Variants in COBL observed in about 807,000 individuals in gnomAD.
The protein encoded by COBL is protein cordon-bleu.
Under a neutral mutation model 98.8 loss-of-function variants are expected in COBL, and 51 were observed. The ratio of observed to expected loss-of-function variants is 0.52; its 90% CI spans 0.41 to 0.65. The LOEUF (loss-of-function observed/expected upper bound fraction) is 0.65. Ranked by LOEUF, COBL falls within the 30% of genes least tolerant of loss-of-function variation. COBL has a pLI of 0.00. For missense variants in COBL, 1,617 were observed against 1,617.5 expected, an observed-to-expected ratio of 1.00 and a Z score of 0.01; for synonymous variants, 634 against 651.7, an observed-to-expected ratio of 0.97 and a Z score of 0.41.
intron 1 of COBL, among the ~76,000 whole-genome samples, chr7:51,306,537 G>T (rs1802491649): frequency 6.6e-6 from 1 of 152,108 alleles, no homozygotes; most frequent in African/African-American, 2.4e-5. Flanking sequence ...GTACAAAAGG[G>T]AAGGCTTTTC....
rs1187971303 is a variant in COBL, at chr7:51,054,560, T to C, written c.1097-10868A>G. 3.3e-5 allele frequency among the ~76,000 whole-genome samples: 5 copies of C among 152,294 alleles called. 1 individual carries two copies. Among genetic ancestry groups the C allele is most frequent in the Admixed American group, 2.6e-4 (4 of 15,306 alleles). On this transcript the variant is annotated intron_variant, in intron 7 of 12. Transcript: ENST00000265136. ...GTGACTTTCTGATGTTTTTTCTCCA[T>C]GGCATCTCCCTGCACTGGGGACTGC...
chr7:51,189,357 G>A (rs1185140538), intron 4 of COBL, among the ~76,000 whole-genome samples: 1 of 152,198 alleles, frequency 6.6e-6, no homozygotes, highest in Non-Finnish European at 1.5e-5. Flanking sequence ...AATATGGCCA[G>A]GCGCAGTGGC....
Position 51,219,958 on chromosome 7 carries a change from A to C in COBL, c.42-14T>G, listed in dbSNP as rs749262703. The stretch of plus-strand genomic sequence containing the variant: ...TTCATCTTCCTCCTTAAAAACAACA[A>C]CACAAAGGCACAGAGTCAGTGGCAA... On this transcript the variant is annotated splice_polypyrimidine_tract_variant and intron_variant, in intron 1 of 12. Transcript: ENST00000265136. The C allele has an allele frequency of 3.7e-6, 6 of 1,605,328 alleles. No individual in the cohort carries two copies. The highest frequency in any genetic ancestry group is 2.2e-5 in the East Asian group (1 of 44,788).
In COBL at chr7:51,098,224, C is replaced by CTTTTTTTTTTTTTTTTTTTTTTTT. The variant is rs551768231; in HGVS notation, c.958-12921_958-12920insAAAAAAAAAAAAAAAAAAAAAAAA. Among the ~76,000 whole-genome samples, 438 of 100,750 alleles carry CTTTTTTTTTTTTTTTTTTTTTTTT rather than the reference C, an allele frequency of 4.3e-3. 88 individuals are homozygous for CTTTTTTTTTTTTTTTTTTTTTTTT. Among genetic ancestry groups the CTTTTTTTTTTTTTTTTTTTTTTTT allele is most frequent in the African/African-American group, 0.017 (368 of 22,288 alleles). The allele number at this position is 100,750 out of a possible 152,430, so 66.1% of individuals were successfully genotyped here. On this transcript the variant is annotated intron_variant, in intron 6 of 12. Coordinates refer to ENST00000265136, the MANE Select transcript of COBL (RefSeq NM_015198.5). The stretch of plus-strand genomic sequence containing the variant: ...ACTACCAAAATCCCAATAGCAGTTT[C>CTTTTTTTTTTTTTTTTTTTTTTTT]TTTTTTTTTTTTGGAGAAATAGGAA...
chr7:51,190,791 G>T, intron 4 of COBL, 59 bp downstream of exon 4: 1 of 1,390,734 alleles, frequency 7.2e-7, no homozygotes, highest in Non-Finnish European at 1.0e-6. Context: ...CAGGGGACAT[G>T]TACACGCCGC....
intron 7 of COBL, chr7:51,064,734 T>C (rs892721502): frequency 1.5e-4 from 25 of 161,522 alleles, no homozygotes; most frequent in African/African-American, 6.0e-4. Flanking sequence ...CATTTGAAAA[T>C]GGAAGGAATG....
intron 12 of COBL, among the ~76,000 whole-genome samples, chr7:51,018,988 T>C (rs1786648112): frequency 7.0e-6 from 1 of 142,462 alleles, no homozygotes; most frequent in Non-Finnish European, 1.5e-5. Context: ...GCTCACCAGC[T>C]ATCGTTAGTG....
intron 6 of COBL, among the ~76,000 whole-genome samples, chr7:51,130,564 A>T (rs1201210989): frequency 6.6e-6 from 1 of 152,130 alleles, no homozygotes; most frequent in Non-Finnish European, 1.5e-5. Context: ...TCAGGCCTAA[A>T]TGCAGAGAGG....
At chr7:51,243,239 T>C (rs982589921) in intron 1 of COBL, among the ~76,000 whole-genome samples, 4 of 152,182 alleles carry the variant, frequency 2.6e-5, no homozygotes, top group African/African-American at 9.7e-5. Flanking sequence ...CTCGCTGCAC[T>C]GATGTGAAGG....
chr7:51,191,590 C>T (rs1444508747), intron 3 of COBL, among the ~76,000 whole-genome samples: 1 of 150,306 alleles, frequency 6.7e-6, no homozygotes, highest in African/African-American at 2.5e-5. Flanking sequence ...GTACTATATA[C>T]ACACATATAT....
chr7:51,237,538 T>TTATAAAA (rs1554441654), intron 1 of COBL, among the ~76,000 whole-genome samples: 1 of 132,760 alleles, frequency 7.5e-6, no homozygotes, highest in Non-Finnish European at 1.6e-5. Flanking sequence ...TTTTTTTTCT[T>TTATAAAA]AAAAAAAAAA....
chr7:51,172,188 G>A lies in COBL; in HGVS notation c.783+11914C>T, dbSNP rs116100373. Among the ~76,000 whole-genome samples, 563 of 152,238 alleles carry A rather than the reference G, an allele frequency of 3.7e-3. 3 individuals carry two copies. Among genetic ancestry groups the A allele is most frequent in the African/African-American group, 0.013 (524 of 41,534 alleles). ...GGCTACTCCTTATGATGGTAGTTTC[G>A]GGAAGCATGAATTCAATTACCCTAA... On this transcript the variant is annotated intron_variant, in intron 5 of 12. Transcript: ENST00000265136.
chr7:51,023,289 C>T (rs1446011246), intron 12 of COBL, among the ~76,000 whole-genome samples: 4 of 152,108 alleles, frequency 2.6e-5, no homozygotes, highest in Admixed American at 1.3e-4. Context: ...TAAAGAAAAC[C>T]AAAGAGCCTT....
At chr7:51,147,663 C>A (rs905599947) in intron 5 of COBL, among the ~76,000 whole-genome samples, 1 of 152,128 alleles carries the variant, frequency 6.6e-6, no homozygotes, top group Non-Finnish European at 1.5e-5. Context: ...TATGACCTAA[C>A]GCCCGCTTGG....
chr7:51,284,863 T>C (rs1178045282), intron 1 of COBL, among the ~76,000 whole-genome samples: 3 of 150,158 alleles, frequency 2.0e-5, no homozygotes, highest in Admixed American at 2.0e-4. Flanking sequence ...CTACCTCCAA[T>C]ATCAAGCTTC....
chr7:51,023,720 A>C (rs1588241582), intron 12 of COBL, among the ~76,000 whole-genome samples: 1 of 152,106 alleles, frequency 6.6e-6, no homozygotes, highest in South Asian at 2.1e-4. Context: ...TCTGAGTGGG[A>C]GATCTGGAGA....
chr7:51,316,669 C>A lies in COBL; in HGVS notation c.-36G>T, dbSNP rs1803644398. ...GCCGGGACGCGGGCGGTGCTCCGGG[C>A]CCGCCGAGTCAGGCGCTGGCTACCG... On this transcript the variant is annotated 5_prime_UTR_variant, in exon 1 of 13. Coordinates refer to ENST00000265136, the MANE Select transcript of COBL (RefSeq NM_015198.5). The A allele has an allele frequency of 4.2e-6, 5 of 1,189,240 alleles. No homozygotes were observed. In the South Asian group the frequency reaches 1.3e-4, roughly 30 times the overall value. 73.7% of individuals were successfully genotyped at this position (1,189,240 alleles called of 1,614,324 possible).
chr7:51,216,917 A>G (rs1297539518), intron 2 of COBL, among the ~76,000 whole-genome samples: 1 of 152,250 alleles, frequency 6.6e-6, no homozygotes, highest in African/African-American at 2.4e-5. Context: ...CAGGAATTTA[A>G]CTGCAGCCCA....
At chr7:51,110,713 A>G (rs1385466002) in intron 6 of COBL, among the ~76,000 whole-genome samples, 1 of 152,194 alleles carries the variant, frequency 6.6e-6, no homozygotes, top group Non-Finnish European at 1.5e-5. Context: ...ACAAGTCCCC[A>G]AAGTCCACTG....
Sources: allele counts gnomAD v4.1 joint callset (sites outside exome capture counted in the v4.1 genomes callset), GRCh38; gene constraint gnomAD v4.1.1; transcripts MANE v1.5; gene names NCBI Gene and HGNC (gene_info 2026-07-23, HGNC 2026-07-21).